The following TRAPPC3 variants were observed in gnomAD, a reference collection of about 807,000 sequenced individuals.
TRAPPC3 encodes the protein trafficking protein particle complex 3.
In TRAPPC3, 5 loss-of-function variants were observed where a neutral mutation model predicts 18.2. The ratio of observed to expected loss-of-function variants is 0.28; its 90% CI spans 0.14 to 0.58. The LOEUF is 0.58. TRAPPC3 is among the 20% of genes least tolerant of loss of function. The pLI, the probability that TRAPPC3 is intolerant of heterozygous loss-of-function variation, is 0.91. For synonymous variants in TRAPPC3, 65 were observed against 84.2 expected (o/e 0.77, Z 1.25); for missense variants, 176 against 225.9 (o/e 0.78, Z 1.41).
intron 1 of TRAPPC3, among the ~76,000 whole-genome samples, chr1:36,154,609 G>A (rs1436001404): frequency 6.6e-6 from 1 of 152,070 alleles, no homozygotes; most frequent in African/African-American, 2.4e-5. Context: ...CAAAGATGGG[G>A]GATCTGCTCC....
chr1:36,149,539 G>A (rs1570106642), upstream of TRAPPC3: 1 of 830,342 alleles, frequency 1.2e-6, no homozygotes, highest in Non-Finnish European at 1.9e-6. Context: ...CTAGTGGTCC[G>A]GCCGACGTGG....
At chr1:36,150,602 C>T (rs913574696), upstream of TRAPPC3, among the ~76,000 whole-genome samples, 6 of 152,238 alleles carry the variant, frequency 3.9e-5, no homozygotes, top group African/African-American at 1.2e-4. Context: ...GCTGGGGGGC[C>T]GCTGAGGCTG....
At chr1:36,153,263 C>A (rs1644284887), upstream of TRAPPC3, among the ~76,000 whole-genome samples, 1 of 152,190 alleles carries the variant, frequency 6.6e-6, no homozygotes, top group Non-Finnish European at 1.5e-5. Context: ...CACTCTTAAC[C>A]CTCTTGGTTG....
rs767178990 is a variant in TRAPPC3, at chr1:36,149,288, G to C, written c.42+49C>G. 4 of 1,612,228 alleles carry C rather than the reference G, an allele frequency of 2.5e-6. No homozygotes were observed. The South Asian group carries it at 4.4e-5, about 18-fold the overall frequency. On this transcript the variant is annotated intron_variant, in intron 1 of 4. Coordinates refer to ENST00000373166, the MANE Select transcript of TRAPPC3 (RefSeq NM_014408.5). Reference sequence around the variant, plus strand: ...GCGCTCGGCGCCGGGCCCCTTCCCTGTACGCCTCAATTTCGCCCCGCCCGC... The same window carrying C: ...GCGCTCGGCGCCGGGCCCCTTCCCTCTACGCCTCAATTTCGCCCCGCCCGC...
At chr1:36,154,901 T>A (rs1277111405) in intron 1 of TRAPPC3, among the ~76,000 whole-genome samples, 1 of 152,144 alleles carries the variant, frequency 6.6e-6, no homozygotes, top group Non-Finnish European at 1.5e-5. Context: ...GGGGACACTA[T>A]TCCCTTCCCA....
intron 1 of TRAPPC3, among the ~76,000 whole-genome samples, chr1:36,145,081 G>A (rs1644172432): frequency 6.6e-6 from 1 of 151,890 alleles, no homozygotes; most frequent in African/African-American, 2.4e-5. Context: ...AAGTGCAGTA[G>A]CGCAATCTTG....
At chr1:36,155,868 C>T (rs1644316168) in intron 1 of TRAPPC3, 4 of 152,316 alleles carry the variant, frequency 2.6e-5, no homozygotes, top group Non-Finnish European at 5.9e-5. Flanking sequence ...GGTGAGTCAC[C>T]CGAGCGCTCC....
intron 3 of TRAPPC3, among the ~76,000 whole-genome samples, chr1:36,139,050 A>G (rs1644067053): frequency 6.6e-6 from 1 of 151,612 alleles, no homozygotes; most frequent in Non-Finnish European, 1.5e-5. Flanking sequence ...AAAAAGAAAA[A>G]AAGAAAAAAA....
exon 1 of TRAPPC3, chr1:36,155,961 T>G (rs1486061036): frequency 1.9e-5 from 3 of 154,414 alleles, no homozygotes; most frequent in African/African-American, 7.2e-5. Context: ...CCTGGAGCCG[T>G]GGAGCCCGCT....
At position 36,141,258 on chromosome 1, in the gene TRAPPC3, G is replaced by T. The variant is rs1007103694; in HGVS notation, c.43-1092C>A. ...CTGAAGAATGAAAGCAGCAGGCAGG[G>T]GGAAAGGCATTATCAGGGTTAAAGT... On this transcript the variant is annotated intron_variant, in intron 1 of 4. Coordinates refer to ENST00000373166, the MANE Select transcript of TRAPPC3 (RefSeq NM_014408.5). 6.6e-5 allele frequency among the ~76,000 whole-genome samples: 10 copies of T among 152,310 alleles called. No individual in the cohort carries two copies. In the Middle Eastern group the frequency reaches 0.01, roughly 155 times the overall value.
In TRAPPC3 at chr1:36,148,758, T is replaced by A. The variant is rs559737162; in HGVS notation, c.42+579A>T. ...CACTCACTGCTTACTCTGGCCCATC[T>A]CTTATTCCATTGAATAAAACGTTCC... On this transcript the variant is annotated intron_variant, in intron 1 of 4. Transcript: ENST00000373166. 2.0e-5 allele frequency among the ~76,000 whole-genome samples: 3 copies of A among 152,320 alleles called. No individual in the cohort carries two copies. The South Asian group carries it at 6.2e-4, about 32-fold the overall frequency.
chr1:36,152,396 C>T (rs1644277948), upstream of TRAPPC3, among the ~76,000 whole-genome samples: 1 of 151,652 alleles, frequency 6.6e-6, no homozygotes, highest in Non-Finnish European at 1.5e-5. Context: ...CAACCTCCGC[C>T]TCCCAGGTTC....
chr1:36,139,747 A>G lies in TRAPPC3; in HGVS notation c.213T>C (p.Phe71=). 2 of 1,614,166 alleles carry G rather than the reference A, an allele frequency of 1.2e-6. No individual in the cohort carries two copies. Among genetic ancestry groups the G allele is most frequent in the Non-Finnish European group, 8.5e-7 (1 of 1,180,028 alleles). Residue 71 remains phenylalanine (F), a synonymous_variant, in exon 3 of 5, where the codon TTT becomes TTC. Coordinates refer to ENST00000373166, the MANE Select transcript of TRAPPC3 (RefSeq NM_014408.5). ...TGGCAATGACATCCGCAGTTTCCCG[A>G]AAGTCATGGCACCTCCCAACATTTG... ...ARSNVGRCHD[F]RETADVIAKV...
intron 1 of TRAPPC3, chr1:36,149,012 T>G: frequency 5.9e-5 from 70 of 1,186,780 alleles, no homozygotes; most frequent in Non-Finnish European, 7.3e-5. Flanking sequence ...GCAGATTAAC[T>G]GAGATGCTGT....
chr1:36,146,592 TAAAAAAAAAA>T (rs58611478), intron 1 of TRAPPC3, among the ~76,000 whole-genome samples: 16 of 82,986 alleles, frequency 1.9e-4, no homozygotes, highest in Middle Eastern at 5.3e-3. Flanking sequence ...CCTACTTCAT[TAAAAAAAAAA>T]AAAAAAAAAA....
intron 1 of TRAPPC3, among the ~76,000 whole-genome samples, chr1:36,142,065 T>C (rs1013008879): frequency 1.3e-5 from 2 of 150,330 alleles, no homozygotes; most frequent in Non-Finnish European, 3.0e-5. Context: ...AAGCCAATGG[T>C]CAACCTATCC....
At chr1:36,144,528 C>G (rs534192044) in intron 1 of TRAPPC3, among the ~76,000 whole-genome samples, 1 of 152,092 alleles carries the variant, frequency 6.6e-6, no homozygotes, top group Non-Finnish European at 1.5e-5. Flanking sequence ...GTGGTACATG[C>G]CTGTAGTCCC....
intron 1 of TRAPPC3, among the ~76,000 whole-genome samples, chr1:36,148,149 T>C (rs76114380): frequency 0.013 from 2,029 of 152,292 alleles, 19 homozygotes; most frequent in Non-Finnish European, 0.019. Flanking sequence ...TTACCTGACA[T>C]TGTTTCCTAA....
At chr1:36,152,258 C>G (rs1484050271), upstream of TRAPPC3, among the ~76,000 whole-genome samples, 1 of 152,000 alleles carries the variant, frequency 6.6e-6, no homozygotes. Context: ...TGCCTTTCTT[C>G]CCCTCGGGGA....
Sources: gnomAD v4.1 joint callset for allele counts (sites outside exome capture counted in the v4.1 genomes callset) on GRCh38, gnomAD v4.1.1 for gene constraint, MANE v1.5 for transcripts, NCBI Gene and HGNC (gene_info 2026-07-23, HGNC 2026-07-21) for gene names.